The following SORBS3 variants were observed in gnomAD, a reference collection of about 807,000 sequenced individuals.
The protein encoded by SORBS3 is vinexin.
Under a neutral mutation model 98.0 loss-of-function variants are expected in SORBS3, and 69 were observed. The observed-to-expected ratio is 0.70, with a 90% CI of 0.58 to 0.86. The LOEUF is 0.86. Among genes scored for constraint, SORBS3 ranks in the 40% least tolerant of loss-of-function variants. The pLI is 0.00. For missense variants in SORBS3, 954 were observed against 908.5 expected (o/e 1.05, Z -0.64); for synonymous variants, 394 against 355.4 (o/e 1.11, Z -1.22).
chr8:22,554,978 C>G lies in SORBS3; in HGVS notation c.218C>G (p.Pro73Arg), dbSNP rs74400886. 2 of 1,612,400 alleles carry G rather than the reference C, an allele frequency of 1.2e-6. No individual in the cohort carries two copies. The highest frequency in any genetic ancestry group is 2.2e-5 in the South Asian group (2 of 91,038). ...YTPRRDASQH[P>R]DPAWYQTWPG... is the part of the protein sequence containing the mutation. ...CCAAGACGAGATGCTTCCCAGCACCCGGGTAGGTCTGCTCAGGAGCCTCAT... is the reference window on the plus strand; with the variant it reads ...CCAAGACGAGATGCTTCCCAGCACCGGGGTAGGTCTGCTCAGGAGCCTCAT... Residue 73 changes from proline (P) to arginine (R), a missense_variant and splice_region_variant, in exon 3 of 21, where the codon CCG becomes CGG. Transcript: ENST00000240123. The surrounding 1 kb of genome is among the most constrained non-coding windows in gnomAD (Gnocchi z 6.5).
At chr8:22,572,290 G>A (rs777933298) in intron 19 of SORBS3, 50 bp from the exon 20 acceptor site, 2 of 1,502,446 alleles carry the variant, frequency 1.3e-6, no homozygotes, top group South Asian at 1.1e-5. Flanking sequence ...CAACACTTGG[G>A]TTAGAGCCTC....
chr8:22,564,697 A>G, intron 10 of SORBS3, 176 bp downstream of exon 10: 1 of 1,398,320 alleles, frequency 7.2e-7, no homozygotes, highest in African/African-American at 1.4e-5. Flanking sequence ...GGAGGCGCTC[A>G]GTAAACATGT....
At chr8:22,573,315 T>C (rs975273041) in intron 20 of SORBS3, 6 of 453,416 alleles carry the variant, frequency 1.3e-5, no homozygotes, top group African/African-American at 1.2e-4. Flanking sequence ...TTTTTACAAC[T>C]ACTAATAAAG....
In SORBS3 at chr8:22,570,955, G is replaced by A. The variant is rs1253562157; in HGVS notation, c.1477G>A (p.Glu493Lys). Residue 493 changes from glutamate (E) to lysine (K), a missense_variant, in exon 18 of 21, where the codon GAG (glutamate) becomes AAG (lysine). By Grantham distance (56) the Glu-to-Lys change is moderately conservative. Coordinates refer to ENST00000240123, the MANE Select transcript of SORBS3 (RefSeq NM_005775.5). ...CCGCAAGGTGAACGAGAACTGGTACGAGGGACGCATCACGGGCACGGGGCG... is the reference window on the plus strand; with the variant it reads ...CCGCAAGGTGAACGAGAACTGGTACAAGGGACGCATCACGGGCACGGGGCG... ...LIRKVNENWY[E>K]GRITGTGRQG... 6.2e-6 allele frequency: 10 copies of A among 1,612,720 alleles called. No individual in the cohort carries two copies. The highest frequency in any genetic ancestry group is 6.8e-6 in the Non-Finnish European group (8 of 1,179,304).
At chr8:22,569,058 C>CCACCTTCT (rs1257396241) in intron 16 of SORBS3, 90 bp from the exon 17 acceptor site, 1 of 1,366,382 alleles carries the variant, frequency 7.3e-7, no homozygotes, top group Non-Finnish European at 9.7e-7. Flanking sequence ...AGGGGCGGGC[C>CCACCTTCT]CACCTTCTCT....
chr8:22,573,899 G>C (rs1840655412), intron 20 of SORBS3, among the ~76,000 whole-genome samples: 1 of 152,174 alleles, frequency 6.6e-6, no homozygotes, highest in South Asian at 2.1e-4. Context: ...GGGGGGTGTG[G>C]GGATACACAG....
chr8:22,566,172 TC>T (rs1840413381), intron 12 of SORBS3, 172 bp from the exon 13 acceptor site: 1 of 904,036 alleles, frequency 1.1e-6, no homozygotes, highest in South Asian at 2.2e-5. Context: ...GCCTCACCCT[TC>T]CCCGCGCAGC....
At chr8:22,561,548 T>C (rs1370445687) in intron 6 of SORBS3, 175 bp downstream of exon 6, 1 of 690,640 alleles carries the variant, frequency 1.4e-6, no homozygotes, top group Non-Finnish European at 2.5e-6. Context: ...TAGGTGGTAA[T>C]TAACAGCCTC....
At position 22,571,760 on chromosome 8, in the gene SORBS3, C is replaced by T. The variant is rs1486745231; in HGVS notation, c.1786C>T (p.Pro596Ser). Residue 596 changes from proline to serine, a missense_variant, in exon 19 of 21, where the codon CCC becomes TCC. Coordinates refer to ENST00000240123, the MANE Select transcript of SORBS3 (RefSeq NM_005775.5). ...PGPALSHSRG[P>S]SHPLDLGTSS... Reference sequence around the variant, plus strand: ...TCCAGCTCTGTCCCACTCTCGAGGTCCCAGCCATCCCCTGGACCTGGGGAC... The same window carrying T: ...TCCAGCTCTGTCCCACTCTCGAGGTTCCAGCCATCCCCTGGACCTGGGGAC... The T allele has an allele frequency of 5.6e-6, 9 of 1,613,974 alleles. No homozygotes were observed. The highest frequency in any genetic ancestry group is 7.6e-6 in the Non-Finnish European group (9 of 1,179,934).
intron 8 of SORBS3, 91 bp from the exon 9 acceptor site, chr8:22,564,192 G>A: frequency 6.7e-7 from 1 of 1,481,566 alleles, no homozygotes; most frequent in Admixed American, 1.9e-5. Flanking sequence ...GGGCCCAGGG[G>A]AAGGGCAGGG....
At chr8:22,572,548 A>ACC in intron 20 of SORBS3, 102 bp downstream of exon 20, 1 of 907,716 alleles carries the variant, frequency 1.1e-6, no homozygotes. Flanking sequence ...ATGGCCGACC[A>ACC]CCCCCCGACT....
chr8:22,558,505 G>A (rs1240023252), intron 5 of SORBS3, among the ~76,000 whole-genome samples: 3 of 152,170 alleles, frequency 2.0e-5, no homozygotes, highest in African/African-American at 4.8e-5. Flanking sequence ...CACTGTTAGC[G>A]GTCATTCCCT....
chr8:22,557,921 T>C (rs912969653), intron 4 of SORBS3, among the ~76,000 whole-genome samples: 11 of 152,242 alleles, frequency 7.2e-5, no homozygotes, highest in African/African-American at 2.4e-4. Context: ...TACACTTCGA[T>C]GGAGATCTTG....
At chr8:22,547,994 G>C (rs1390003905), upstream of SORBS3, among the ~76,000 whole-genome samples, 1 of 152,216 alleles carries the variant, frequency 6.6e-6, no homozygotes, top group East Asian at 1.9e-4. Flanking sequence ...GCTATGGAAA[G>C]GTCTGTGCCA....
At chr8:22,566,533 G>T in intron 13 of SORBS3, 49 bp downstream of exon 13, 1 of 1,600,358 alleles carries the variant, frequency 6.2e-7, no homozygotes, top group Non-Finnish European at 8.5e-7. Context: ...CCACCCACCA[G>T]GCATGTTGGT....
upstream of SORBS3, among the ~76,000 whole-genome samples, chr8:22,550,624 A>G (rs756354888): frequency 1.3e-5 from 2 of 152,244 alleles, no homozygotes; most frequent in Non-Finnish European, 2.9e-5. Context: ...TAAAGCAGTA[A>G]TGGTGGTAGG....
chr8:22,565,887 C>G lies in SORBS3; in HGVS notation c.950+15C>G. 4 of 1,247,936 alleles carry G rather than the reference C, an allele frequency of 3.2e-6. No homozygotes were observed. The highest frequency in any genetic ancestry group is 4.0e-6 in the Non-Finnish European group (4 of 995,344). 77.3% of individuals were successfully genotyped at this position (1,247,936 alleles called of 1,614,324 possible). A position where few individuals can be genotyped will look rare whatever the true frequency, so the allele number is the denominator to read the frequency against. On this transcript the variant is annotated intron_variant, in intron 12 of 20. Coordinates refer to ENST00000240123, the MANE Select transcript of SORBS3 (RefSeq NM_005775.5). ...CCCCCGGCCGGGTGAGTGGGAGACG[C>G]GGGAGGAGGAAGGGGGCTGTCCCAG...
upstream of SORBS3, chr8:22,551,628 C>T (rs1360838851): frequency 3.4e-6 from 2 of 584,896 alleles, no homozygotes; most frequent in Non-Finnish European, 4.3e-6. The surrounding 1 kb of genome is among the most constrained non-coding windows in gnomAD (Gnocchi z 5.8). Flanking sequence ...CGGGGACCCT[C>T]GGCGGCCCCT....
At chr8:22,548,036 A>G (rs1403448624), upstream of SORBS3, among the ~76,000 whole-genome samples, 4 of 152,162 alleles carry the variant, frequency 2.6e-5, no homozygotes, top group African/African-American at 9.7e-5. Flanking sequence ...CGCTATTCCT[A>G]TGGGGTTCCA....
Sources: gnomAD v4.1 joint callset for allele counts (sites outside exome capture counted in the v4.1 genomes callset) on GRCh38, gnomAD v4.1.1 for gene constraint, Gnocchi (gnomAD v3.1) non-coding constraint, MANE v1.5 for transcripts, NCBI Gene and HGNC (gene_info 2026-07-23, HGNC 2026-07-21) for gene names.